FBN2: variants seen among roughly 807,000 people sequenced by gnomAD.
FBN2 encodes the protein fibrillin 2.
In FBN2, 105 loss-of-function variants were observed where a neutral mutation model predicts 355.6. That is an observed-to-expected ratio of 0.30 (90% confidence interval 0.25 to 0.35). FBN2 has a LOEUF of 0.35. Among genes scored for constraint, FBN2 ranks in the 10% least tolerant of loss-of-function variants. FBN2 has a pLI of 1.00. For missense variants in FBN2, 3,280 were observed against 3,758.7 expected (o/e 0.87, Z 3.33); for synonymous variants, 1,350 against 1,301.2 (o/e 1.04, Z -0.81).
chr5:128,303,701 G>C (rs927925035), intron 45 of FBN2, among the ~76,000 whole-genome samples: 1 of 152,224 alleles, frequency 6.6e-6, no homozygotes, highest in Non-Finnish European at 1.5e-5. Flanking sequence ...GGTGGGGGCT[G>C]GTATTGTTCT....
chr5:128,393,906 A>G (rs1241489688), intron 9 of FBN2, among the ~76,000 whole-genome samples: 2 of 152,226 alleles, frequency 1.3e-5, no homozygotes, highest in Non-Finnish European at 2.9e-5. Context: ...TCCAGGTGAC[A>G]AAGTTGAGTA....
At chr5:128,534,494 G>A (rs1407096300) in intron 2 of FBN2, among the ~76,000 whole-genome samples, 1 of 152,188 alleles carries the variant, frequency 6.6e-6, no homozygotes, top group East Asian at 1.9e-4. Context: ...ATTTTTAGAT[G>A]TGTTTCTAAT....
At chr5:128,511,339 A>T (rs1406472790) in intron 5 of FBN2, among the ~76,000 whole-genome samples, 1 of 152,184 alleles carries the variant, frequency 6.6e-6, no homozygotes, top group African/African-American at 2.4e-5. Flanking sequence ...TGACTCCAGC[A>T]TTTCAGACTT....
At chr5:128,418,239 TATTG>T (rs1329776146) in intron 7 of FBN2, among the ~76,000 whole-genome samples, 1 of 152,182 alleles carries the variant, frequency 6.6e-6, no homozygotes. Flanking sequence ...CTCTCCTTCT[TATTG>T]ATTACTCTAA....
intron 5 of FBN2, among the ~76,000 whole-genome samples, chr5:128,508,958 T>C (rs1212508087): frequency 6.6e-6 from 1 of 152,096 alleles, no homozygotes; most frequent in Non-Finnish European, 1.5e-5. Flanking sequence ...ACAAATAATT[T>C]GTTGTTATTT....
intron 5 of FBN2, among the ~76,000 whole-genome samples, chr5:128,512,318 C>T (rs753960592): frequency 6.6e-6 from 1 of 151,962 alleles, no homozygotes; most frequent in African/African-American, 2.4e-5. Flanking sequence ...TTGAGACCAG[C>T]CTGGCCAACG....
At chr5:128,306,646 T>C (rs576619222) in intron 42 of FBN2, among the ~76,000 whole-genome samples, 17 of 152,036 alleles carry the variant, frequency 1.1e-4, no homozygotes, top group African/African-American at 3.9e-4. Context: ...ATATTGCTTA[T>C]CAAATCTTTG....
intron 5 of FBN2, among the ~76,000 whole-genome samples, chr5:128,508,885 CT>C (rs1171220151): frequency 6.6e-6 from 1 of 151,924 alleles, no homozygotes; most frequent in Non-Finnish European, 1.5e-5. Flanking sequence ...AGAGAATTGT[CT>C]TTTTCAACTT....
At chr5:128,281,042 A>C (rs1482555890) in intron 55 of FBN2, among the ~76,000 whole-genome samples, 1 of 152,130 alleles carries the variant, frequency 6.6e-6, no homozygotes, top group Non-Finnish European at 1.5e-5. Context: ...TTTATACTTA[A>C]AATTTTTAAA....
At chr5:128,514,712 C>T (rs773094254) in intron 5 of FBN2, among the ~76,000 whole-genome samples, 7 of 152,118 alleles carry the variant, frequency 4.6e-5, no homozygotes, top group Non-Finnish European at 5.9e-5. Flanking sequence ...GTTATTACAA[C>T]GTGCAGTGTA....
At chr5:128,497,425 G>C (rs1032996460) in intron 5 of FBN2, among the ~76,000 whole-genome samples, 1 of 152,140 alleles carries the variant, frequency 6.6e-6, no homozygotes, top group Non-Finnish European at 1.5e-5. Flanking sequence ...GAACAAAATA[G>C]TGGGGGCAAC....
chr5:128,262,829 G>T lies in FBN2; in HGVS notation c.8192+596C>A, dbSNP rs73341376. Among the ~76,000 whole-genome samples the T allele has an allele frequency of 2.6e-3, 390 of 152,318 alleles. 1 individual carries two copies. Among genetic ancestry groups the T allele is most frequent in the African/African-American group, 8.9e-3 (370 of 41,574 alleles). On this transcript the variant is annotated intron_variant, in intron 63 of 64. Coordinates refer to ENST00000262464, the MANE Select transcript of FBN2 (RefSeq NM_001999.4). ...ACTGAGCACCACGGCCTTCCTGGAA[G>T]AATGCAAATGGCCAGCACCTCTGCC...
In FBN2 at chr5:128,351,095, C is replaced by T. The variant is rs981776653; in HGVS notation, c.2675-90G>A. On this transcript the variant is annotated intron_variant, in intron 20 of 64. Transcript: ENST00000262464. ...CACAAAAGGCATTTGTTACAGTATT[C>T]TAAAAAAGAAAGATTACTGGCTCAC... 9 of 1,510,324 alleles carry T rather than the reference C, an allele frequency of 6.0e-6. No homozygotes were observed. The African/African-American group carries it at 1.2e-4, about 21-fold the overall frequency. The allele number at this position is 1,510,324 out of a possible 1,614,324, so 93.6% of individuals were successfully genotyped here.
chr5:128,352,938 T>G (rs1289649023), intron 20 of FBN2, among the ~76,000 whole-genome samples: 1 of 152,142 alleles, frequency 6.6e-6, no homozygotes, highest in African/African-American at 2.4e-5. Flanking sequence ...TTTGGGAGGC[T>G]GAGGCAGTCG....
At chr5:128,430,504 A>G (rs1214193919) in intron 7 of FBN2, among the ~76,000 whole-genome samples, 1 of 152,216 alleles carries the variant, frequency 6.6e-6, no homozygotes, top group Non-Finnish European at 1.5e-5. Context: ...GTCTAAGCCT[A>G]TAGCAGTAGT....
At chr5:128,302,811 GTT>G (rs1749755645) in intron 46 of FBN2, among the ~76,000 whole-genome samples, 160 bp downstream of exon 46, 1 of 152,076 alleles carries the variant, frequency 6.6e-6, no homozygotes, top group Non-Finnish European at 1.5e-5. Context: ...CAATACTATG[GTT>G]TCAGTTAACT....
At chr5:128,411,821 T>A (rs1189396939) in intron 7 of FBN2, among the ~76,000 whole-genome samples, 1 of 152,230 alleles carries the variant, frequency 6.6e-6, no homozygotes, top group Non-Finnish European at 1.5e-5. Context: ...CCTGTCTGTA[T>A]CACAATGTTT....
intron 11 of FBN2, among the ~76,000 whole-genome samples, chr5:128,390,374 T>C (rs1752480565): frequency 6.9e-6 from 1 of 145,934 alleles, no homozygotes; most frequent in Non-Finnish European, 1.5e-5. Context: ...TGCTATTTAC[T>C]TTTTTTTTTT....
At chr5:128,387,169 G>T (rs1422821823) in intron 11 of FBN2, among the ~76,000 whole-genome samples, 1 of 152,034 alleles carries the variant, frequency 6.6e-6, no homozygotes, top group Non-Finnish European at 1.5e-5. Context: ...CTCAATCTTG[G>T]GAGATGTTAT....
Sources: allele counts gnomAD v4.1 joint callset (sites outside exome capture counted in the v4.1 genomes callset), GRCh38; gene constraint gnomAD v4.1.1; transcripts MANE v1.5; gene names NCBI Gene and HGNC (gene_info 2026-07-23, HGNC 2026-07-21).